The following COBLL1 variants were observed in gnomAD, a reference collection of about 807,000 sequenced individuals.
The protein encoded by COBLL1 is cordon-bleu WH2 repeat protein like 1.
A neutral mutation model predicts 94.8 loss-of-function variants in COBLL1; 50 were observed. That is an observed-to-expected ratio of 0.53 (90% CI 0.42 to 0.67). The LOEUF is 0.67. COBLL1 is among the 30% of genes least tolerant of loss of function. The pLI is 0.00. For missense variants in COBLL1, 1,362 were observed against 1,348.7 expected (o/e 1.01, Z -0.15); for synonymous variants, 448 against 473.8 (o/e 0.95, Z 0.71).
intron 2 of COBLL1, among the ~76,000 whole-genome samples, chr2:164,830,241 A>G (rs1413486280): frequency 6.6e-6 from 1 of 152,208 alleles, no homozygotes; most frequent in Non-Finnish European, 1.5e-5. Flanking sequence ...CCAAATATCC[A>G]TGGGATGCCA....
chr2:164,832,870 C>T (rs1683138790), intron 2 of COBLL1, among the ~76,000 whole-genome samples: 1 of 151,928 alleles, frequency 6.6e-6, no homozygotes, highest in Admixed American at 6.6e-5. Flanking sequence ...AAGGAGAAAC[C>T]CCGTCTCTAC....
At chr2:164,723,747 A>G (rs975711404) in intron 5 of COBLL1, 1 of 151,998 alleles carries the variant, frequency 6.6e-6, no homozygotes, top group Non-Finnish European at 1.5e-5. Context: ...ATGAAAGGAA[A>G]TCATCCAACT....
chr2:164,819,706 A>G (rs999563130), intron 2 of COBLL1, among the ~76,000 whole-genome samples: 2 of 152,130 alleles, frequency 1.3e-5, no homozygotes, highest in African/African-American at 4.8e-5. Context: ...TTCATTTAAA[A>G]TATGCCCTTA....
intron 2 of COBLL1, among the ~76,000 whole-genome samples, chr2:164,764,008 G>A (rs927897965): frequency 3.3e-5 from 5 of 152,150 alleles, no homozygotes; most frequent in African/African-American, 1.2e-4. Context: ...AGATCCTCCT[G>A]CCTCAGCCTC....
chr2:164,694,299 C>T lies in COBLL1; in HGVS notation c.3093G>A (p.Val1031=), dbSNP rs202086999. The change falls in exon 12 of 14, where the codon GTG becomes GTA. Residue 1031 remains valine (V), a synonymous_variant. Transcript: ENST00000652658. ...EGKTHSVNKF[V]DIPQLGVSDK... The stretch of plus-strand genomic sequence containing the variant: ...CAGACACACCAAGCTGTGGGATGTC[C>T]ACAAATTTATTTACAGAATGAGTCT... 1.2e-6 allele frequency: 2 copies of T among 1,613,718 alleles called. No homozygotes were observed. The highest frequency in any genetic ancestry group is 1.7e-6 in the Non-Finnish European group (2 of 1,179,806).
intron 7 of COBLL1, chr2:164,718,311 A>G (rs770099195): frequency 1.2e-4 from 106 of 899,508 alleles, no homozygotes; most frequent in Non-Finnish European, 1.4e-4. Context: ...ATACAACCCT[A>G]AAGTTTATCT....
intron 7 of COBLL1, 89 bp downstream of exon 7, chr2:164,721,986 G>T: frequency 1.0e-6 from 1 of 955,712 alleles, no homozygotes. Context: ...CTTCTTACTA[G>T]TCTACCTAGA....
chr2:164,659,068 T>G (rs896203399), intron 2 of COBLL1, among the ~76,000 whole-genome samples: 2 of 152,182 alleles, frequency 1.3e-5, no homozygotes, highest in Admixed American at 6.5e-5. Flanking sequence ...CCCTCGAAAT[T>G]AAGAATTCCC....
At chr2:164,774,618 T>G (rs555309821) in intron 2 of COBLL1, among the ~76,000 whole-genome samples, 6 of 152,306 alleles carry the variant, frequency 3.9e-5, no homozygotes, top group African/African-American at 1.2e-4. Context: ...ATTGATAAGG[T>G]TATAGCTCAA....
chr2:164,667,286 G>A (rs111553629), intron 1 of COBLL1, among the ~76,000 whole-genome samples: 1 of 151,986 alleles, frequency 6.6e-6, no homozygotes, highest in Admixed American at 6.6e-5. Context: ...TTGGTGTTTT[G>A]AGCACAGGCA....
intron 1 of COBLL1, among the ~76,000 whole-genome samples, chr2:164,671,614 G>T (rs1461157427): frequency 6.6e-6 from 1 of 152,044 alleles, no homozygotes; most frequent in Non-Finnish European, 1.5e-5. Flanking sequence ...TTCGATATCT[G>T]TCAACATAGA....
intron 9 of COBLL1, among the ~76,000 whole-genome samples, chr2:164,703,903 T>C (rs1403460719): frequency 6.6e-6 from 1 of 152,226 alleles, no homozygotes; most frequent in Non-Finnish European, 1.5e-5. Flanking sequence ...ACTGGAAAAG[T>C]ATTACTATAA....
chr2:164,818,408 A>G (rs756101177), intron 2 of COBLL1, among the ~76,000 whole-genome samples: 4 of 148,522 alleles, frequency 2.7e-5, no homozygotes, highest in Non-Finnish European at 6.0e-5. Flanking sequence ...GTGTACATAT[A>G]TACATATTTA....
rs536471781 is a variant in COBLL1 at position 164,829,706 on chromosome 2, A to AC, written c.41+11449dup. Reference sequence around the variant, plus strand: ...AAATTGTATATGAACAGGGGGTATTACCCCAAATCTCCCAGATTTTCCAGT... The same window carrying AC: ...AAATTGTATATGAACAGGGGGTATTACCCCCAAATCTCCCAGATTTTCCAGT... On this transcript the variant is annotated intron_variant, in intron 2 of 13. Coordinates refer to ENST00000652658, the MANE Select transcript of COBLL1 (RefSeq NM_001365672.2). Among the ~76,000 whole-genome samples, 564 of 152,316 alleles carry AC rather than the reference A, an allele frequency of 3.7e-3. 7 individuals carry two copies. The highest frequency in any genetic ancestry group is 0.012 in the African/African-American group (518 of 41,578).
chr2:164,828,162 G>A lies in COBLL1; in HGVS notation c.41+12994C>T, dbSNP rs371523351. Among the ~76,000 whole-genome samples, 216 of 152,192 alleles carry A rather than the reference G, an allele frequency of 1.4e-3. 2 individuals are homozygous for A. In the Middle Eastern group the frequency reaches 0.017, roughly 12 times the overall value. On this transcript the variant is annotated intron_variant, in intron 2 of 13. Transcript: ENST00000652658. Reference sequence around the variant, plus strand: ...TAACTGAGCTCCTATCGTTCCAATGGACAAGTAATTTGTCTCCATCTCCAA... The same window carrying A: ...TAACTGAGCTCCTATCGTTCCAATGAACAAGTAATTTGTCTCCATCTCCAA...
At chr2:164,705,211 A>G (rs1019758491) in intron 7 of COBLL1, 106 bp from the exon 8 acceptor site, 4 of 789,818 alleles carry the variant, frequency 5.1e-6, no homozygotes, top group Non-Finnish European at 7.1e-6. Context: ...CAAATGGAAC[A>G]TAACAGTCAT....
In COBLL1 at chr2:164,695,775, C is replaced by G; in HGVS notation, c.1617G>C (p.Val539=). The G allele has an allele frequency of 6.2e-7, 1 of 1,611,800 alleles. No individual in the cohort carries two copies. The stretch of plus-strand genomic sequence containing the variant: ...CTTCTACATTGATTTCTGTTTTCTT[C>G]ACTCCATTTTTCATATTGTCTTCTG... ...ENTEDNMKNG[V]KKTEINVEGV... Residue 539 remains valine (V), a synonymous_variant, in exon 12 of 14, where the codon GTG becomes GTC. Transcript: ENST00000652658.
chr2:164,752,314 C>G (rs1459486430), intron 2 of COBLL1, among the ~76,000 whole-genome samples: 1 of 152,148 alleles, frequency 6.6e-6, no homozygotes, highest in Non-Finnish European at 1.5e-5. Flanking sequence ...GTTCCTTAGC[C>G]AGTAAGTGGT....
chr2:164,658,524 G>T (rs979549638), intron 2 of COBLL1, among the ~76,000 whole-genome samples: 6 of 152,186 alleles, frequency 3.9e-5, no homozygotes, highest in Non-Finnish European at 8.8e-5. Flanking sequence ...TAACAAGGAG[G>T]TTAAAGATAT....
Sources: gnomAD v4.1 joint callset for allele counts (sites outside exome capture counted in the v4.1 genomes callset) on GRCh38, gnomAD v4.1.1 for gene constraint, MANE v1.5 for transcripts, NCBI Gene and HGNC (gene_info 2026-07-23, HGNC 2026-07-21) for gene names.